Variants in UBAP2 observed in about 807,000 individuals in gnomAD.
UBAP2 encodes ubiquitin-associated protein 2.
In UBAP2, 75 loss-of-function variants were observed where a neutral mutation model predicts 139.6. The ratio of observed to expected loss-of-function variants is 0.54; its 90% CI spans 0.45 to 0.65. The LOEUF (loss-of-function observed/expected upper bound fraction) is 0.65, where lower values mean the gene tolerates loss of function less well. UBAP2 is among the 30% of genes least tolerant of loss of function. The pLI is 0.00. For synonymous variants in UBAP2, 526 were observed against 526.2 expected, an observed-to-expected ratio of 1.00 and a Z score of 0.01; for missense variants, 1,368 against 1,369.6, an observed-to-expected ratio of 1.00 and a Z score of 0.02.
At chr9:33,971,546 A>T in intron 8 of UBAP2, 105 bp downstream of exon 8, 2 of 734,532 alleles carry the variant, frequency 2.7e-6, no homozygotes, top group Admixed American at 2.0e-5. Context: ...CCTGTTTTTC[A>T]TTCTTTTCCA....
At chr9:34,027,109 AAC>A (rs1269302590) in intron 1 of UBAP2, among the ~76,000 whole-genome samples, 51 of 152,280 alleles carry the variant, frequency 3.3e-4, no homozygotes, top group African/African-American at 1.1e-3. Flanking sequence ...CTACTAAGAA[AAC>A]AGTCAATATT....
rs761346182 is a variant in UBAP2, at chr9:33,941,702, T to C, written c.1876A>G (p.Ile626Val). 5.6e-6 allele frequency: 9 copies of C among 1,614,184 alleles called. No homozygotes were observed. The highest frequency in any genetic ancestry group is 1.6e-4 in the Middle Eastern group (1 of 6,062). ...GAACTCACAGGGCTTTGGTATGGGA[T>C]CCTGTTATGCACAGAACTCTGGTCA... Reference protein sequence around the residue: ...SYDQSSVHNRIPYQSPVSSSE... With the variant: ...SYDQSSVHNRVPYQSPVSSSE... Residue 626 changes from isoleucine (I) to valine (V), a missense_variant, in exon 16 of 29, where the codon ATC becomes GTC. Ile to Val is a conservative substitution (Grantham distance 29, BLOSUM62 3). Coordinates refer to ENST00000379238, the MANE Select transcript of UBAP2 (RefSeq NM_001370062.2).
At chr9:34,004,679 G>A (rs1564058062) in intron 2 of UBAP2, among the ~76,000 whole-genome samples, 1 of 151,588 alleles carries the variant, frequency 6.6e-6, no homozygotes, top group Non-Finnish European at 1.5e-5. Context: ...AGCTACTCGG[G>A]AGGCTGAGGC....
rs1041313964 is a variant in UBAP2, at chr9:34,028,468, CTCTTGGG to C, written c.-41-11286_-41-11280del. 5.5e-4 allele frequency among the ~76,000 whole-genome samples: 84 copies of C among 151,924 alleles called. 1 individual carries two copies. The highest frequency in any genetic ancestry group is 1.1e-3 in the Non-Finnish European group (72 of 68,006). On this transcript the variant is annotated intron_variant, in intron 1 of 28. Coordinates refer to ENST00000379238, the MANE Select transcript of UBAP2 (RefSeq NM_001370062.2). ...AACACTGGCTCACTGCAACCTCTGC[CTCTTGGG>C]TTCAAGCGATTAGCCTGCCTCAGCC...
intron 13 of UBAP2, among the ~76,000 whole-genome samples, chr9:33,947,195 G>A (rs777471668): frequency 3.9e-5 from 6 of 152,122 alleles, no homozygotes; most frequent in African/African-American, 1.2e-4. Context: ...TTCAAACCCC[G>A]GAGTGGTCTC....
chr9:34,009,428 A>T (rs1160381595), intron 2 of UBAP2, among the ~76,000 whole-genome samples: 1 of 152,048 alleles, frequency 6.6e-6, no homozygotes, highest in East Asian at 1.9e-4. Flanking sequence ...AAATTTTTTA[A>T]AAAATATTTT....
chr9:33,967,874 A>C (rs1827587487), intron 8 of UBAP2, among the ~76,000 whole-genome samples: 1 of 152,238 alleles, frequency 6.6e-6, no homozygotes, highest in African/African-American at 2.4e-5. Context: ...AGGAGAAAAA[A>C]TACTGTGATA....
In UBAP2 at chr9:34,048,593, A is replaced by T. The variant is rs1403032194; in HGVS notation, c.-42+232T>A. Among the ~76,000 whole-genome samples, 3 of 152,088 alleles carry T rather than the reference A, an allele frequency of 2.0e-5. No homozygotes were observed. In the East Asian group the frequency reaches 5.8e-4, roughly 29 times the overall value. ...GGCCCAGCCGACCTGGACGGGGGAA[A>T]GTAGGAAGAAGCACAGGGCAACGTG... is the stretch of plus-strand genomic sequence containing the variant. On this transcript the variant is annotated intron_variant, in intron 1 of 28. Transcript: ENST00000379238.
chr9:34,048,542 G>A (rs1195877850), intron 1 of UBAP2, among the ~76,000 whole-genome samples: 1 of 152,202 alleles, frequency 6.6e-6, no homozygotes, highest in Non-Finnish European at 1.5e-5. Flanking sequence ...AAAGGGGGGA[G>A]GGGAGGCACC....
intron 1 of UBAP2, among the ~76,000 whole-genome samples, chr9:34,023,301 T>G (rs12553933): frequency 0.14 from 21,499 of 152,024 alleles, 1,826 homozygotes; most frequent in Middle Eastern, 0.24. Context: ...CATCTGGTGA[T>G]AAAAATCTGC....
intron 2 of UBAP2, among the ~76,000 whole-genome samples, chr9:34,012,907 T>C (rs1346331979): frequency 6.6e-6 from 1 of 151,568 alleles, no homozygotes; most frequent in Non-Finnish European, 1.5e-5. Context: ...TCCGGGCAGT[T>C]TGGGAAGCTG....
chr9:33,962,892 T>C (rs1827176389), intron 9 of UBAP2, among the ~76,000 whole-genome samples: 1 of 150,626 alleles, frequency 6.6e-6, no homozygotes, highest in Non-Finnish European at 1.5e-5. Context: ...GGCAGGAGAA[T>C]TGCTTAAACC....
chr9:33,964,830 G>C (rs1162108012), intron 8 of UBAP2, among the ~76,000 whole-genome samples: 1 of 152,056 alleles, frequency 6.6e-6, no homozygotes. Context: ...AAAAATCTAA[G>C]AATGGGATTG....
At chr9:34,003,375 CT>C (rs34673994) in intron 2 of UBAP2, among the ~76,000 whole-genome samples, 27,987 of 137,976 alleles carry the variant, frequency 0.2, 2,836 homozygotes, top group East Asian at 0.53. Flanking sequence ...TCAAAGATGG[CT>C]TTTTTTTTTT....
intron 14 of UBAP2, 126 bp downstream of exon 14, chr9:33,944,239 A>AT (rs1260829825): frequency 9.4e-6 from 12 of 1,274,298 alleles, no homozygotes; most frequent in African/African-American, 1.5e-5. Context: ...TATCCTTATT[A>AT]TGCAATCAAT....
At chr9:33,989,888 T>G (rs1821550105) in intron 4 of UBAP2, among the ~76,000 whole-genome samples, 2 of 152,130 alleles carry the variant, frequency 1.3e-5, no homozygotes. Flanking sequence ...CTAAAACAAT[T>G]TAATGGCAGA....
At chr9:34,025,646 G>A (rs368095174) in intron 1 of UBAP2, among the ~76,000 whole-genome samples, 11 of 152,260 alleles carry the variant, frequency 7.2e-5, no homozygotes, top group South Asian at 2.1e-4. Flanking sequence ...GAAAGTCTCC[G>A]GCCGAATAAA....
At chr9:33,973,317 A>C (rs1828051817) in intron 6 of UBAP2, 80 bp from the exon 7 acceptor site, 3 of 1,429,082 alleles carry the variant, frequency 2.1e-6, no homozygotes, top group East Asian at 4.6e-5. Flanking sequence ...TCCTATACTC[A>C]CTACCCAGAC....
rs774120608 is a variant in UBAP2, at chr9:33,998,845, C to T, written c.119G>A (p.Arg40His). The change falls in exon 3 of 29, where the codon CGT becomes CAT. Residue 40 changes from arginine (R) to histidine (H), a missense_variant. Physicochemically the swap from Arg to His is conservative, Grantham distance 29. Coordinates refer to ENST00000379238, the MANE Select transcript of UBAP2 (RefSeq NM_001370062.2). ...CTTATCAAAGATCACTTGAGCGAGA[C>T]GCATCTGTTCAGCTGTTGCCTGGAA... ...QVVQATAEQM[R>H]LAQVIFDKND... The T allele has an allele frequency of 1.1e-5, 18 of 1,611,276 alleles. No homozygotes were observed. The highest frequency in any genetic ancestry group is 1.7e-4 in the Middle Eastern group (1 of 6,060).
Sources: allele counts gnomAD v4.1 joint callset (sites outside exome capture counted in the v4.1 genomes callset), GRCh38; gene constraint gnomAD v4.1.1; transcripts MANE v1.5; gene names NCBI Gene and HGNC (gene_info 2026-07-23, HGNC 2026-07-21).